Variants in PPP1R12B observed in about 807,000 individuals in gnomAD.
PPP1R12B encodes protein phosphatase 1 regulatory subunit 12B, also known as myosin phosphatase target subunit 2.
PPP1R12B carries 76 observed loss-of-function variants against 126.1 expected under a neutral mutation model. That is an observed-to-expected ratio of 0.60 (90% CI 0.50 to 0.73). PPP1R12B has a LOEUF of 0.73. Ranked by LOEUF, PPP1R12B falls within the 30% of genes least tolerant of loss-of-function variation. The pLI is 0.00. For missense variants in PPP1R12B, 1,052 were observed against 1,205.1 expected (o/e 0.87, Z 1.88); for synonymous variants, 356 against 434.7 (o/e 0.82, Z 2.25).
chr1:202,449,439 C>G (rs1253121422), intron 13 of PPP1R12B, among the ~76,000 whole-genome samples: 2 of 151,724 alleles, frequency 1.3e-5, no homozygotes, highest in Non-Finnish European at 2.9e-5. Flanking sequence ...CCCCACCCGG[C>G]TAATTTTTTT....
chr1:202,544,970 T>A (rs1558355201), intron 18 of PPP1R12B, among the ~76,000 whole-genome samples: 1 of 152,228 alleles, frequency 6.6e-6, no homozygotes, highest in Non-Finnish European at 1.5e-5. Flanking sequence ...TTGACAATTA[T>A]TTTTTGCATG....
chr1:202,515,211 G>C (rs1287109275), intron 18 of PPP1R12B, among the ~76,000 whole-genome samples: 1 of 152,104 alleles, frequency 6.6e-6, no homozygotes, highest in Non-Finnish European at 1.5e-5. Flanking sequence ...TAATACATGG[G>C]TGATTAATCT....
At chr1:202,468,463 G>A (rs1675353980) in intron 13 of PPP1R12B, among the ~76,000 whole-genome samples, 1 of 152,094 alleles carries the variant, frequency 6.6e-6, no homozygotes, top group Non-Finnish European at 1.5e-5. Context: ...TTGTTTTCTA[G>A]GAAGTCTCTT....
intron 8 of PPP1R12B, among the ~76,000 whole-genome samples, chr1:202,432,120 A>C (rs1050616064): frequency 6.6e-6 from 1 of 152,196 alleles, no homozygotes; most frequent in Non-Finnish European, 1.5e-5. Flanking sequence ...CAACTGGTGA[A>C]TACTTGCATT....
At chr1:202,380,562 C>T (rs1662080534) in intron 1 of PPP1R12B, among the ~76,000 whole-genome samples, 2 of 152,142 alleles carry the variant, frequency 1.3e-5, no homozygotes, top group Admixed American at 1.3e-4. Flanking sequence ...CCACCTCTTC[C>T]CCTGAGAGTA....
intron 1 of PPP1R12B, among the ~76,000 whole-genome samples, chr1:202,375,124 A>C (rs1286895482): frequency 2.0e-5 from 3 of 151,778 alleles, no homozygotes; most frequent in Non-Finnish European, 4.4e-5. Context: ...TTGTATTTTT[A>C]GTAGAGATGG....
intron 20 of PPP1R12B, among the ~76,000 whole-genome samples, chr1:202,563,930 A>G (rs752810304): frequency 2.0e-5 from 3 of 152,100 alleles, no homozygotes; most frequent in African/African-American, 7.2e-5. Flanking sequence ...TTAGCTGGGC[A>G]TGGTGGCTCA....
rs1211940744 is a variant in PPP1R12B at position 202,590,054 on chromosome 1, A to C, written c.*9494A>C. 1.3e-5 allele frequency: 2 copies of C among 152,212 alleles called. No homozygotes were observed. Among genetic ancestry groups the C allele is most frequent in the Non-Finnish European group, 2.9e-5 (2 of 68,048 alleles). 9.4% of individuals were successfully genotyped at this position (152,212 alleles called of 1,614,324 possible). ...TGTCCCACTCTCCCTTTCCCTAAAA[A>C]TTCTGACGCCCTATCCCTGGTCCCT... On this transcript the variant is annotated 3_prime_UTR_variant, in exon 24 of 24. Coordinates refer to ENST00000608999, the MANE Select transcript of PPP1R12B (RefSeq NM_002481.4).
At chr1:202,359,266 G>A (rs1282793174) in intron 1 of PPP1R12B, among the ~76,000 whole-genome samples, 2 of 151,880 alleles carry the variant, frequency 1.3e-5, no homozygotes, top group African/African-American at 4.8e-5. Flanking sequence ...AAGTAGCTGG[G>A]ATTAGAGGCA....
At chr1:202,418,897 G>A (rs976708792) in intron 2 of PPP1R12B, among the ~76,000 whole-genome samples, 1 of 152,036 alleles carries the variant, frequency 6.6e-6, no homozygotes, top group African/African-American at 2.4e-5. Flanking sequence ...AGATCAGTCC[G>A]TGATGATCTC....
At chr1:202,441,338 C>T (rs2148694215) in intron 11 of PPP1R12B, among the ~76,000 whole-genome samples, 1 of 151,960 alleles carries the variant, frequency 6.6e-6, no homozygotes, top group African/African-American at 2.4e-5. Flanking sequence ...AAATAATTTT[C>T]TTTAATAGAA....
intron 18 of PPP1R12B, among the ~76,000 whole-genome samples, chr1:202,523,930 G>A (rs1313246860): frequency 6.6e-6 from 1 of 152,224 alleles, no homozygotes; most frequent in South Asian, 2.1e-4. Context: ...GGTCAGGCTG[G>A]TCTCAAACTC....
At chr1:202,373,282 C>T (rs1020188378) in intron 1 of PPP1R12B, among the ~76,000 whole-genome samples, 2 of 152,102 alleles carry the variant, frequency 1.3e-5, no homozygotes, top group Non-Finnish European at 2.9e-5. Flanking sequence ...AAATCTTTGA[C>T]ACTATAAAGT....
chr1:202,553,641 C>T (rs1368364461), intron 18 of PPP1R12B, among the ~76,000 whole-genome samples: 1 of 152,120 alleles, frequency 6.6e-6, no homozygotes, highest in Non-Finnish European at 1.5e-5. Context: ...AGGATGGGAC[C>T]ATTGCCAGAG....
chr1:202,415,207 A>C (rs1389643079), intron 1 of PPP1R12B, among the ~76,000 whole-genome samples: 4 of 152,228 alleles, frequency 2.6e-5, no homozygotes, highest in Non-Finnish European at 4.4e-5. Context: ...GGTTATTCTT[A>C]AGTGAAACTG....
rs2148358485 is a variant in PPP1R12B at position 202,350,613 on chromosome 1, CTTTTTCTTTTTCTTTTT to C, written c.291+1477_291+1493del. Among the ~76,000 whole-genome samples, 3 of 151,034 alleles carry C rather than the reference CTTTTTCTTTTTCTTTTT, an allele frequency of 2.0e-5. No homozygotes were observed. The East Asian group carries it at 5.8e-4, about 29-fold the overall frequency. ...TTTGGGAAGGTGAATTCTTGTTTTT[CTTTTTCTTTTTCTTTTT>C]TTTTTTTTGATTCAGAGTCTCGCTC... On this transcript the variant is annotated intron_variant, in intron 1 of 23. Coordinates refer to ENST00000608999, the MANE Select transcript of PPP1R12B (RefSeq NM_002481.4).
Position 202,553,633 on chromosome 1 carries a change from G to T in PPP1R12B, c.2491-5244G>T, listed in dbSNP as rs184917036. ...AGTGTACAGAGGAGGAGGATGGAAG[G>T]ATGGGACCATTGCCAGAGCATAGAT... On this transcript the variant is annotated intron_variant, in intron 18 of 23. Coordinates refer to ENST00000608999, the MANE Select transcript of PPP1R12B (RefSeq NM_002481.4). 2.6e-5 allele frequency among the ~76,000 whole-genome samples: 4 copies of T among 152,284 alleles called. No homozygotes were observed. The East Asian group carries it at 7.7e-4, about 29-fold the overall frequency.
At position 202,462,300 on chromosome 1, in the gene PPP1R12B, C is replaced by G. The variant is rs538216926; in HGVS notation, c.1850+13129C>G. On this transcript the variant is annotated intron_variant, in intron 13 of 23. Transcript: ENST00000608999. ...GATTTAGAGCCTTGAATAAAAGAGTCTATTTTCTTTTTTCCGTATTTCTGT... is the reference window on the plus strand; with the variant it reads ...GATTTAGAGCCTTGAATAAAAGAGTGTATTTTCTTTTTTCCGTATTTCTGT... Among the ~76,000 whole-genome samples, 12 of 152,212 alleles carry G rather than the reference C, an allele frequency of 7.9e-5. No homozygotes were observed. In the East Asian group the frequency reaches 1.7e-3, roughly 22 times the overall value.
At chr1:202,562,257 A>G (rs1387731302) in intron 19 of PPP1R12B, among the ~76,000 whole-genome samples, 1 of 152,224 alleles carries the variant, frequency 6.6e-6, no homozygotes, top group Non-Finnish European at 1.5e-5. Context: ...CTGTGTTGGT[A>G]TCCCTAAAAT....
Sources: allele counts gnomAD v4.1 joint callset (sites outside exome capture counted in the v4.1 genomes callset), GRCh38; gene constraint gnomAD v4.1.1; transcripts MANE v1.5; gene names NCBI Gene and HGNC (gene_info 2026-07-23, HGNC 2026-07-21).